ARG2: variants seen among roughly 807,000 people sequenced by gnomAD.
ARG2 encodes arginase 2, also known as arginase-2, mitochondrial.
In ARG2, 21 loss-of-function variants were observed where a neutral mutation model predicts 39.4. The ratio of observed to expected loss-of-function variants is 0.53; its 90% CI spans 0.38 to 0.77. The LOEUF (loss-of-function observed/expected upper bound fraction) is 0.77, where lower values mean the gene tolerates loss of function less well. Ranked by LOEUF, ARG2 falls within the 30% of genes least tolerant of loss-of-function variation. The probability of loss-of-function intolerance (pLI) is 0.00; values close to 1 mark genes in which losing one functional copy is unlikely to be tolerated. For synonymous variants in ARG2, 150 were observed against 156.7 expected, an observed-to-expected ratio of 0.96 and a Z score of 0.32; for missense variants, 378 against 426.2, an observed-to-expected ratio of 0.89 and a Z score of 1.00.
intron 6 of ARG2, chr14:67,647,750 TTATTAG>T (rs1386772967): frequency 3.7e-6 from 1 of 269,118 alleles, no homozygotes; most frequent in Non-Finnish European, 7.0e-6. Flanking sequence ...CTATTGACAG[TTATTAG>T]TATAAGAGGT....
At chr14:67,647,122 G>A in intron 6 of ARG2, 97 bp downstream of exon 6, 2 of 794,722 alleles carry the variant, frequency 2.5e-6, no homozygotes, top group Admixed American at 4.7e-5. Context: ...AAAATACAAA[G>A]CAAAAACATA....
chr14:67,646,948 G>C lies in ARG2; in HGVS notation c.645G>C (p.Gln215His). Residue 215 changes from glutamine to histidine, a missense_variant, in exon 6 of 8, where the codon CAG becomes CAC. Gln to His is a conservative substitution (Grantham distance 24, BLOSUM62 0). Coordinates refer to ENST00000261783, the MANE Select transcript of ARG2 (RefSeq NM_001172.4). ...TTATTTTAAAGAACTATGATATCCA[G>C]TATTTTTCCATGAGAGATATTGATC... ...EHFILKNYDI[Q>H]YFSMRDIDRL... 6.2e-7 allele frequency: 1 copy of C among 1,609,620 alleles called. No individual in the cohort carries two copies. Among genetic ancestry groups the C allele is most frequent in the Non-Finnish European group, 8.5e-7 (1 of 1,176,102 alleles).
chr14:67,632,852 G>A (rs1350533914), intron 2 of ARG2, among the ~76,000 whole-genome samples: 2 of 108,690 alleles, frequency 1.8e-5, no homozygotes, highest in Admixed American at 1.5e-4. Flanking sequence ...GCAGAGTCTC[G>A]CTCTATCGCT....
rs756715543 is a variant in ARG2, at chr14:67,646,995, T to C, written c.692T>C (p.Met231Thr). ...DIDRLGIQKV[M>T]ERTFDLLIGK... ...GATCGACTTGGTATCCAGAAGGTCA[T>C]GGAACGAACATTTGATCTGCTGATT... is the stretch of plus-strand genomic sequence containing the variant. The change falls in exon 6 of 8, where the codon ATG (methionine) becomes ACG (threonine). Residue 231 changes from methionine (M) to threonine (T), a missense_variant. Met to Thr is a moderately conservative substitution (Grantham distance 81). Coordinates refer to ENST00000261783, the MANE Select transcript of ARG2 (RefSeq NM_001172.4). 1.9e-6 allele frequency: 3 copies of C among 1,612,680 alleles called. No individual in the cohort carries two copies. Among genetic ancestry groups the C allele is most frequent in the African/African-American group, 2.7e-5 (2 of 74,900 alleles).
intron 2 of ARG2, among the ~76,000 whole-genome samples, chr14:67,640,764 A>G (rs961408418): frequency 3.3e-5 from 5 of 152,230 alleles, no homozygotes; most frequent in Admixed American, 2.6e-4. Context: ...TCCTAAATGT[A>G]GCATCCAACT....
At chr14:67,645,346 A>C (rs567151731) in intron 3 of ARG2, among the ~76,000 whole-genome samples, 12 of 152,090 alleles carry the variant, frequency 7.9e-5, no homozygotes, top group African/African-American at 2.9e-4. Flanking sequence ...CAAATATTTG[A>C]GGTTCTTTTC....
intron 2 of ARG2, among the ~76,000 whole-genome samples, chr14:67,623,165 TTAAA>T (rs775942482): frequency 1.3e-5 from 2 of 152,242 alleles, no homozygotes; most frequent in Non-Finnish European, 2.9e-5. Context: ...TCATAGCCTA[TTAAA>T]TAAAACTGTG....
chr14:67,620,869 A>G (rs574112396), intron 1 of ARG2, 25 bp from the exon 2 acceptor site: 4 of 1,613,654 alleles, frequency 2.5e-6, no homozygotes, highest in Admixed American at 3.3e-5. Context: ...TCTACCTCTA[A>G]TTGTGTAATT....
Position 67,645,675 on chromosome 14 carries a change from G to A in ARG2, c.395G>A (p.Arg132Gln), listed in dbSNP as rs151039935. ...ATCGGTACCATTAGTGGCCATGCCC[G>A]ACACTGCCCAGACCTTTGTGTTGTC... ...LAIGTISGHARHCPDLCVVWV... is the reference protein window; with the variant it reads ...LAIGTISGHAQHCPDLCVVWV... Residue 132 changes from arginine to glutamine, a missense_variant, in exon 4 of 8, where the codon CGA becomes CAA. Arg to Gln is a conservative substitution (Grantham distance 43). Transcript: ENST00000261783. 528 of 1,613,818 alleles carry A rather than the reference G, an allele frequency of 3.3e-4. No homozygotes were observed. Among genetic ancestry groups the A allele is most frequent in the Admixed American group, 1.3e-3 (77 of 59,984 alleles).
chr14:67,631,231 G>C (rs544379842), intron 2 of ARG2, among the ~76,000 whole-genome samples: 61 of 152,132 alleles, frequency 4.0e-4, no homozygotes, highest in Non-Finnish European at 5.0e-4. Context: ...TCACATTTCA[G>C]CTTGTTATAA....
chr14:67,642,211 T>G lies in ARG2; in HGVS notation c.210T>G (p.Asp70Glu), dbSNP rs1423283704. Residue 70 changes from aspartate (D) to glutamate (E), a missense_variant, in exon 3 of 8, where the codon GAT (aspartate) becomes GAG (glutamate). Physicochemically the swap from Asp to Glu is conservative, Grantham distance 45. Transcript: ENST00000261783. The stretch of plus-strand genomic sequence containing the variant: ...GCTGCCACCTAAAAGACTTTGGAGA[T>G]TTGAGTTTTACTCCAGTCCCCAAAG... ...SLGCHLKDFG[D>E]LSFTPVPKDD... is the part of the protein sequence containing the mutation. 2 of 1,613,942 alleles carry G rather than the reference T, an allele frequency of 1.2e-6. No homozygotes were observed. The highest frequency in any genetic ancestry group is 1.7e-6 in the Non-Finnish European group (2 of 1,179,950).
In ARG2 at chr14:67,646,602, C is replaced by A. The variant is rs183683214; in HGVS notation, c.523-42C>A. The A allele has an allele frequency of 4.0e-6, 6 of 1,488,964 alleles. No individual in the cohort carries two copies. In the East Asian group the frequency reaches 1.1e-4, roughly 28 times the overall value. The allele number at this position is 1,488,964 out of a possible 1,614,324, so 92.2% of individuals were successfully genotyped here. ...CACATGATAATGATCTTGGTGAGAA[C>A]AAGAATTCTTGATTAATCCTGTCCA... On this transcript the variant is annotated intron_variant, in intron 4 of 7. Coordinates refer to ENST00000261783, the MANE Select transcript of ARG2 (RefSeq NM_001172.4).
At chr14:67,634,962 G>C (rs1566799606) in intron 2 of ARG2, among the ~76,000 whole-genome samples, 1 of 152,158 alleles carries the variant, frequency 6.6e-6, no homozygotes, top group Non-Finnish European at 1.5e-5. Flanking sequence ...ATGGTTCTTT[G>C]GCTGGGCGCA....
intron 3 of ARG2, 45 bp downstream of exon 3, chr14:67,642,408 C>T (rs1249108137): frequency 1.9e-6 from 3 of 1,590,912 alleles, no homozygotes; most frequent in Non-Finnish European, 2.6e-6. Flanking sequence ...TTACATGGTG[C>T]TTGGGGCTCA....
chr14:67,647,090 T>G, intron 6 of ARG2, 65 bp downstream of exon 6: 1 of 1,037,846 alleles, frequency 9.6e-7, no homozygotes, highest in South Asian at 1.3e-5. Context: ...GCCTGTTTCT[T>G]GAGGACAGCA....
intron 3 of ARG2, among the ~76,000 whole-genome samples, chr14:67,642,793 C>CTTTTTTTT (rs869215946): frequency 0.01 from 762 of 75,564 alleles, 200 homozygotes; most frequent in South Asian, 0.028. Context: ...ACTACATTTT[C>CTTTTTTTT]TTTTTTTTTT....
At chr14:67,628,552 T>C (rs930949501) in intron 2 of ARG2, among the ~76,000 whole-genome samples, 1 of 152,234 alleles carries the variant, frequency 6.6e-6, no homozygotes, top group African/African-American at 2.4e-5. Context: ...GCAAAGATTT[T>C]AACTTAATAC....
chr14:67,641,630 T>C (rs1444785044), intron 2 of ARG2, among the ~76,000 whole-genome samples: 1 of 152,212 alleles, frequency 6.6e-6, no homozygotes, highest in Non-Finnish European at 1.5e-5. Context: ...ATTGGCTATT[T>C]ATAAAAGTTT....
chr14:67,645,714 A>C lies in ARG2; in HGVS notation c.434A>C (p.His145Pro). ...PDLCVVWVDA[H>P]ADINTPLTTS... ...CTTTGTGTTGTCTGGGTTGATGCCCATGCTGACATCAACACACCCCTTACC... is the reference window on the plus strand; with the variant it reads ...CTTTGTGTTGTCTGGGTTGATGCCCCTGCTGACATCAACACACCCCTTACC... Residue 145 changes from histidine to proline, a missense_variant, in exon 4 of 8, where the codon CAT (histidine) becomes CCT (proline). Physicochemically the swap from His to Pro is moderately conservative, Grantham distance 77. Transcript: ENST00000261783. 1 of 1,614,040 alleles carries C rather than the reference A, an allele frequency of 6.2e-7. No individual in the cohort carries two copies. The highest frequency in any genetic ancestry group is 8.5e-7 in the Non-Finnish European group (1 of 1,179,930).
Sources: gnomAD v4.1 joint callset for allele counts (sites outside exome capture counted in the v4.1 genomes callset) on GRCh38, gnomAD v4.1.1 for gene constraint, MANE v1.5 for transcripts, NCBI Gene and HGNC (gene_info 2026-07-23, HGNC 2026-07-21) for gene names.